The following MINDY2 variants were observed in gnomAD, a reference collection of about 807,000 sequenced individuals.
MINDY2 encodes MINDY lysine 48 deubiquitinase 2.
Under a neutral mutation model 68.2 loss-of-function variants are expected in MINDY2, and 52 were observed. The ratio of observed to expected loss-of-function variants is 0.76; its 90% confidence interval spans 0.61 to 0.96. The LOEUF (loss-of-function observed/expected upper bound fraction) is 0.96, where lower values mean the gene tolerates loss of function less well. Ranked by LOEUF, MINDY2 falls within the 40% of genes least tolerant of loss-of-function variation. The pLI is 0.00. For missense variants in MINDY2, 881 were observed against 773.4 expected (o/e 1.14, Z -1.65); for synonymous variants, 372 against 303.0 (o/e 1.23, Z -2.36).
chr15:58,845,053 A>AT (rs1444630575), intron 6 of MINDY2, among the ~76,000 whole-genome samples: 2 of 152,128 alleles, frequency 1.3e-5, no homozygotes, highest in Non-Finnish European at 2.9e-5. Context: ...GAAAAAAAAA[A>AT]ATCTCATAAT....
At chr15:58,792,786 C>T (rs1341228967) in intron 2 of MINDY2, among the ~76,000 whole-genome samples, 1 of 152,086 alleles carries the variant, frequency 6.6e-6, no homozygotes, top group African/African-American at 2.4e-5. Flanking sequence ...AACCCTGAAA[C>T]TTTTAAGTGA....
At chr15:58,820,897 T>C (rs1362496988) in intron 4 of MINDY2, among the ~76,000 whole-genome samples, 1 of 151,774 alleles carries the variant, frequency 6.6e-6, no homozygotes, top group Non-Finnish European at 1.5e-5. Context: ...GTATTTGTTT[T>C]ATTAGATATA....
At position 58,854,048 on chromosome 15, in the gene MINDY2, G is replaced by T. The variant is rs35059967; in HGVS notation, c.1738-434G>T. 8.0e-3 allele frequency among the ~76,000 whole-genome samples: 1,222 copies of T among 151,898 alleles called. 34 individuals carry two copies. Among genetic ancestry groups the T allele is most frequent in the East Asian group, 0.041 (212 of 5,138 alleles). On this transcript the variant is annotated intron_variant, in intron 8 of 8. Coordinates refer to ENST00000559228, the MANE Select transcript of MINDY2 (RefSeq NM_001040450.3). ...TCACAAAGTCAGGAGTGTGAGACCAGCCTGGCCAACATAGTGAAACCCCGT... is the reference window on the plus strand; with the variant it reads ...TCACAAAGTCAGGAGTGTGAGACCATCCTGGCCAACATAGTGAAACCCCGT...
At position 58,861,248 on chromosome 15, in the gene MINDY2, T is replaced by C. The variant is rs1447387936; in HGVS notation, c.*6638T>C. On this transcript the variant is annotated 3_prime_UTR_variant, in exon 9 of 9. Transcript: ENST00000559228. ...AGAAACAAGTTTTCTTTCTCCACTT[T>C]ATTGTTGGACTAATTGGGTCAATTT... 1.3e-5 allele frequency: 2 copies of C among 152,220 alleles called. No individual in the cohort carries two copies. The highest frequency in any genetic ancestry group is 4.8e-5 in the African/African-American group (2 of 41,452). 9.4% of individuals were successfully genotyped at this position (152,220 alleles called of 1,614,324 possible).
rs1430081015 is a variant in MINDY2, at chr15:58,857,686, T to C, written c.*3076T>C. The stretch of plus-strand genomic sequence containing the variant: ...TTAAAGTCTTTCCTTCCAAGTATTT[T>C]GTAATACTTGAAAATTCTTAGATGT... On this transcript the variant is annotated 3_prime_UTR_variant, in exon 9 of 9. Coordinates refer to ENST00000559228, the MANE Select transcript of MINDY2 (RefSeq NM_001040450.3). 1 of 152,198 alleles carries C rather than the reference T, an allele frequency of 6.6e-6. No homozygotes were observed. The highest frequency in any genetic ancestry group is 2.4e-5 in the African/African-American group (1 of 41,458). 9.4% of individuals were successfully genotyped at this position (152,198 alleles called of 1,614,324 possible).
intron 3 of MINDY2, among the ~76,000 whole-genome samples, chr15:58,806,413 C>T (rs941455173): frequency 1.3e-5 from 2 of 148,284 alleles, no homozygotes; most frequent in South Asian, 2.1e-4. Flanking sequence ...TCTGGTTTGC[C>T]GTGGTGCTAT....
At position 58,855,777 on chromosome 15, in the gene MINDY2, C is replaced by G. The variant is rs1424527571; in HGVS notation, c.*1167C>G. 1 of 152,138 alleles carries G rather than the reference C, an allele frequency of 6.6e-6. No individual in the cohort carries two copies. The highest frequency in any genetic ancestry group is 1.5e-5 in the Non-Finnish European group (1 of 68,056). 9.4% of individuals were successfully genotyped at this position (152,138 alleles called of 1,614,324 possible). A position where few individuals can be genotyped will look rare whatever the true frequency, so the allele number is the denominator to read the frequency against. ...CTCTACTAAAAATACAAAAAATCAG[C>G]CTGGCATGGTGGTGCGTGCCTGTAG... On this transcript the variant is annotated 3_prime_UTR_variant, in exon 9 of 9. Coordinates refer to ENST00000559228, the MANE Select transcript of MINDY2 (RefSeq NM_001040450.3).
chr15:58,811,837 C>G lies in MINDY2; in HGVS notation c.1122+1449C>G, dbSNP rs144098473. On this transcript the variant is annotated intron_variant, in intron 4 of 8. Coordinates refer to ENST00000559228, the MANE Select transcript of MINDY2 (RefSeq NM_001040450.3). ...GGAAGGGTGAAAGGAAAAAATAATT[C>G]TACTGTAACATACTAAATTTTTAAA... Among the ~76,000 whole-genome samples, 126 of 152,280 alleles carry G rather than the reference C, an allele frequency of 8.3e-4. 1 individual carries two copies. The highest frequency in any genetic ancestry group is 2.9e-3 in the African/African-American group (121 of 41,562).
intron 1 of MINDY2, among the ~76,000 whole-genome samples, chr15:58,772,766 G>T (rs17301982): frequency 0.074 from 11,231 of 152,192 alleles, 628 homozygotes; most frequent in East Asian, 0.28. Flanking sequence ...AAAAGCATTG[G>T]TCTGAGACCC....
chr15:58,812,866 TAGAG>T (rs1474100012), intron 4 of MINDY2, among the ~76,000 whole-genome samples: 2 of 151,976 alleles, frequency 1.3e-5, no homozygotes, highest in East Asian at 3.9e-4. Flanking sequence ...TCAAAATAAA[TAGAG>T]AAATAAGTAA....
chr15:58,845,397 C>A (rs895831182), intron 6 of MINDY2, among the ~76,000 whole-genome samples: 4 of 152,148 alleles, frequency 2.6e-5, no homozygotes, highest in African/African-American at 9.7e-5. Context: ...CAGAATGAGA[C>A]TCCATCTTAA....
chr15:58,789,386 G>A (rs1010053554), intron 2 of MINDY2, among the ~76,000 whole-genome samples: 3 of 152,074 alleles, frequency 2.0e-5, no homozygotes, highest in Admixed American at 6.5e-5. Flanking sequence ...TACCCTTCCA[G>A]GCAACTAGTT....
rs1185451511 is a variant in MINDY2 at position 58,856,691 on chromosome 15, C to T, written c.*2081C>T. 4 of 152,196 alleles carry T rather than the reference C, an allele frequency of 2.6e-5. No individual in the cohort carries two copies. The highest frequency in any genetic ancestry group is 5.9e-5 in the Non-Finnish European group (4 of 68,038). 9.4% of individuals were successfully genotyped at this position (152,196 alleles called of 1,614,324 possible). ...ATCCAAGTTTACTCTTGATATCACT[C>T]TGTTGGCTGAAGGAGGTAACTCAAA... On this transcript the variant is annotated 3_prime_UTR_variant, in exon 9 of 9. Coordinates refer to ENST00000559228, the MANE Select transcript of MINDY2 (RefSeq NM_001040450.3).
In MINDY2 at chr15:58,782,911, G is replaced by GTTTTTTTTTTTTTT. The variant is rs1157376592; in HGVS notation, c.841-4982_841-4969dup. ...TCAATATATTTAATTTTTTCTCTCT[G>GTTTTTTTTTTTTTT]TTTTTTTTTTTTTTTTTTTTTTTTT... On this transcript the variant is annotated intron_variant, in intron 1 of 8. Coordinates refer to ENST00000559228, the MANE Select transcript of MINDY2 (RefSeq NM_001040450.3). 3.8e-3 allele frequency among the ~76,000 whole-genome samples: 246 copies of GTTTTTTTTTTTTTT among 64,490 alleles called. 50 individuals are homozygous for GTTTTTTTTTTTTTT. Among genetic ancestry groups the GTTTTTTTTTTTTTT allele is most frequent in the East Asian group, 0.014 (17 of 1,234 alleles). The allele number at this position is 64,490 out of a possible 152,430, so 42.3% of individuals were successfully genotyped here.
chr15:58,822,227 C>T (rs2031107027), intron 5 of MINDY2, among the ~76,000 whole-genome samples: 1 of 151,488 alleles, frequency 6.6e-6, no homozygotes, highest in Non-Finnish European at 1.5e-5. Flanking sequence ...GTACTCCACC[C>T]TGGGCAACAG....
chr15:58,852,103 A>G, intron 8 of MINDY2, 138 bp downstream of exon 8: 1 of 557,202 alleles, frequency 1.8e-6, no homozygotes, highest in South Asian at 2.6e-5. Context: ...CCTGGCCAAC[A>G]TGGCAAAACC....
At chr15:58,784,196 C>T (rs927144572) in intron 1 of MINDY2, among the ~76,000 whole-genome samples, 12 of 151,946 alleles carry the variant, frequency 7.9e-5, no homozygotes, top group East Asian at 1.9e-4. Flanking sequence ...TGTGGTGGTG[C>T]GTGCCTGTAG....
chr15:58,785,134 G>GGAAAA (rs1595706584), intron 1 of MINDY2, among the ~76,000 whole-genome samples: 1 of 26,264 alleles, frequency 3.8e-5, no homozygotes, highest in African/African-American at 1.7e-4. Context: ...GTGAAGGAAA[G>GGAAAA]CAAAAAAAAA....
At chr15:58,792,975 C>T (rs1902041451) in intron 2 of MINDY2, among the ~76,000 whole-genome samples, 1 of 151,932 alleles carries the variant, frequency 6.6e-6, no homozygotes, top group African/African-American at 2.4e-5. Context: ...GCATTCCAGC[C>T]TGGGTGAGAG....
Sources: gnomAD v4.1 joint callset for allele counts (sites outside exome capture counted in the v4.1 genomes callset) on GRCh38, gnomAD v4.1.1 for gene constraint, MANE v1.5 for transcripts, NCBI Gene and HGNC (gene_info 2026-07-23, HGNC 2026-07-21) for gene names.